Variants in LZTFL1 observed in about 807,000 individuals in gnomAD.
LZTFL1 encodes leucine zipper transcription factor-like protein 1.
Under a neutral mutation model 45.9 loss-of-function variants are expected in LZTFL1, and 25 were observed. That is an observed-to-expected ratio of 0.54 (90% confidence interval 0.40 to 0.76). The LOEUF (loss-of-function observed/expected upper bound fraction) is 0.76. Among genes scored for constraint, LZTFL1 ranks in the 30% least tolerant of loss-of-function variants. The pLI is 0.00. For synonymous variants in LZTFL1, 93 were observed against 117.4 expected, an observed-to-expected ratio of 0.79 and a Z score of 1.35; for missense variants, 277 against 331.1, an observed-to-expected ratio of 0.84 and a Z score of 1.27.
At chr3:45,857,949 G>A (rs940118567) in intron 3 of LZTFL1, among the ~76,000 whole-genome samples, 8 of 152,214 alleles carry the variant, frequency 5.3e-5, no homozygotes, top group Middle Eastern at 6.8e-3. Flanking sequence ...GGAAAAAAAG[G>A]GTTTTGTGAT....
At chr3:45,840,000 A>G (rs906464144) in intron 1 of LZTFL1, among the ~76,000 whole-genome samples, 7 of 152,286 alleles carry the variant, frequency 4.6e-5, no homozygotes, top group Admixed American at 1.3e-4. Context: ...ATTATTGATT[A>G]TCTTTTTTTT....
chr3:45,842,073 T>C lies in LZTFL1; in HGVS notation c.-82A>G. The stretch of plus-strand genomic sequence containing the variant: ...CAAGCCTGGGATCGCCGAGGGTAGT[T>C]GGACCACAGAAAATGGGGAAGGAGG... On this transcript the variant is annotated 5_prime_UTR_variant, in exon 1 of 10. Coordinates refer to ENST00000296135, the MANE Select transcript of LZTFL1 (RefSeq NM_020347.4). 1.9e-6 allele frequency: 3 copies of C among 1,589,658 alleles called. No homozygotes were observed. Among genetic ancestry groups the C allele is most frequent in the Non-Finnish European group, 2.6e-6 (3 of 1,170,308 alleles).
At chr3:45,878,668 A>T (rs1278001940) in intron 2 of LZTFL1, among the ~76,000 whole-genome samples, 1 of 152,176 alleles carries the variant, frequency 6.6e-6, no homozygotes, top group East Asian at 1.9e-4. Context: ...ACTGGGAGAA[A>T]GTATTTGCAA....
intron 2 of LZTFL1, among the ~76,000 whole-genome samples, chr3:45,860,464 CTT>C (rs11291259): frequency 6.0e-4 from 89 of 148,444 alleles, no homozygotes; most frequent in Admixed American, 9.4e-4. Context: ...CTTATAAATG[CTT>C]TTTTTTTTTT....
intron 2 of LZTFL1, among the ~76,000 whole-genome samples, chr3:45,905,721 G>T (rs1702667239): frequency 6.6e-6 from 1 of 152,196 alleles, no homozygotes; most frequent in Non-Finnish European, 1.5e-5. Context: ...GCACTCTGAT[G>T]GGCAGAATCC....
chr3:45,869,001 T>G (rs950982614), intron 2 of LZTFL1, among the ~76,000 whole-genome samples: 5 of 152,176 alleles, frequency 3.3e-5, no homozygotes, highest in Non-Finnish European at 5.9e-5. Flanking sequence ...GATCCCCACT[T>G]TGAAGAGCAT....
intron 2 of LZTFL1, among the ~76,000 whole-genome samples, chr3:45,894,537 T>C (rs1250921487): frequency 1.3e-5 from 2 of 152,104 alleles, no homozygotes; most frequent in East Asian, 3.9e-4. Flanking sequence ...ACAAGCTGAA[T>C]CAAGGGAAAG....
intron 2 of LZTFL1, among the ~76,000 whole-genome samples, chr3:45,870,854 C>T (rs1399714097): frequency 2.0e-5 from 3 of 152,292 alleles, no homozygotes; most frequent in East Asian, 3.9e-4. Context: ...GATATTAATC[C>T]TTCTAAAGGC....
chr3:45,828,370 T>A, intron 8 of LZTFL1, 69 bp downstream of exon 8: 1 of 1,333,570 alleles, frequency 7.5e-7, no homozygotes, highest in Non-Finnish European at 1.0e-6. Flanking sequence ...CTTAGCCACA[T>A]GTATTCCTCT....
intron 2 of LZTFL1, among the ~76,000 whole-genome samples, chr3:45,880,065 C>T (rs1701824501): frequency 6.6e-6 from 1 of 152,148 alleles, no homozygotes; most frequent in South Asian, 2.1e-4. Context: ...CAGTGACAGG[C>T]AGAGCTGAGG....
Position 45,838,070 on chromosome 3 carries a change from A to ATTT in LZTFL1, c.4-22_4-20dup. ...ACTCTGCCTGAAAAAGAAAGAGGTA[A>ATTT]TTTAATTGTTAGTTTTGAAGATCTG... On this transcript the variant is annotated intron_variant, in intron 1 of 9. Transcript: ENST00000296135. 6.3e-7 allele frequency: 1 copy of ATTT among 1,580,148 alleles called. No homozygotes were observed. Among genetic ancestry groups the ATTT allele is most frequent in the Non-Finnish European group, 8.6e-7 (1 of 1,167,406 alleles).
intron 2 of LZTFL1, among the ~76,000 whole-genome samples, chr3:45,869,465 T>A (rs1701635011): frequency 6.6e-6 from 1 of 152,240 alleles, no homozygotes; most frequent in Non-Finnish European, 1.5e-5. Flanking sequence ...AACGTTTCAA[T>A]GAAGTAGTGG....
At chr3:45,898,728 G>A (rs1250036097) in intron 2 of LZTFL1, among the ~76,000 whole-genome samples, 3 of 152,230 alleles carry the variant, frequency 2.0e-5, no homozygotes, top group African/African-American at 7.2e-5. Context: ...TCAATTCAGT[G>A]AGCCCTGATA....
intron 2 of LZTFL1, among the ~76,000 whole-genome samples, chr3:45,890,129 C>T (rs1406571296): frequency 6.7e-6 from 1 of 149,200 alleles, no homozygotes; most frequent in Admixed American, 6.9e-5. Context: ...CTGTCACTCA[C>T]TATAACAAAG....
At chr3:45,890,801 CCA>C (rs1575294654) in intron 2 of LZTFL1, among the ~76,000 whole-genome samples, 1 of 152,152 alleles carries the variant, frequency 6.6e-6, no homozygotes. Context: ...GTGAATTGCC[CCA>C]CAGAGGGGAA....
Position 45,835,632 on chromosome 3 carries a change from C to G in LZTFL1, c.281G>C (p.Trp94Ser), listed in dbSNP as rs748688183. 1.9e-6 allele frequency: 3 copies of G among 1,614,106 alleles called. No homozygotes were observed. The highest frequency in any genetic ancestry group is 2.5e-6 in the Non-Finnish European group (3 of 1,180,004). The change falls in exon 3 of 10, where the codon TGG becomes TCG. Residue 94 changes from tryptophan to serine, a missense_variant. Physicochemically the swap from Trp to Ser is radical, Grantham distance 177. Transcript: ENST00000296135. ...GATGTCTGTCTGTAGCTTAAGATAC[C>G]ACTTCTCAGCTTGTGCAAACAGCTG... ...LRQLFAQAEK[W>S]YLKLQTDISE...
chr3:45,826,382 T>A, intron 9 of LZTFL1, 50 bp from the exon 10 acceptor site: 1 of 1,457,912 alleles, frequency 6.9e-7, no homozygotes, highest in Non-Finnish European at 9.6e-7. Flanking sequence ...TTGTTGTTGT[T>A]ATTACCAAAT....
Position 45,901,023 on chromosome 3 carries a change from G to A in LZTFL1, c.-215+12097C>T. 1 of 1,614,236 alleles carries A rather than the reference G, an allele frequency of 6.2e-7. No homozygotes were observed. Among genetic ancestry groups the A allele is most frequent in the Non-Finnish European group, 8.5e-7 (1 of 1,180,034 alleles). ...CCTTGTCTACTGGTACTGCACAAGAGTGAAGACCATGACCGACATGTTCCT... is the reference window on the plus strand; with the variant it reads ...CCTTGTCTACTGGTACTGCACAAGAATGAAGACCATGACCGACATGTTCCT... On this transcript the variant is annotated intron_variant, in intron 2 of 4. Coordinates refer to the LZTFL1 transcript ENST00000472635. This position sits in a 1 kb window ranked among gnomAD's most constrained non-coding sequence, Gnocchi z 4.3.
chr3:45,890,289 TAA>T (rs1702118256), intron 2 of LZTFL1, among the ~76,000 whole-genome samples: 1 of 117,564 alleles, frequency 8.5e-6, no homozygotes, highest in African/African-American at 3.6e-5. Context: ...TATATTTATA[TAA>T]ATATATATAT....
Sources: gnomAD v4.1 joint callset for allele counts (sites outside exome capture counted in the v4.1 genomes callset) on GRCh38, gnomAD v4.1.1 for gene constraint, Gnocchi (gnomAD v3.1) non-coding constraint, MANE v1.5 for transcripts, NCBI Gene and HGNC (gene_info 2026-07-23, HGNC 2026-07-21) for gene names.